The following ZNF644 variants were observed in gnomAD, a reference collection of about 807,000 sequenced individuals.
The protein encoded by ZNF644 is zinc finger motif enhancer binding protein 2.
Under a neutral mutation model 108.0 loss-of-function variants are expected in ZNF644, and 20 were observed. That is an observed-to-expected ratio of 0.19 (90% CI 0.13 to 0.27). The LOEUF (loss-of-function observed/expected upper bound fraction) is 0.27. Ranked by LOEUF, ZNF644 falls within the 10% of genes least tolerant of loss-of-function variation. The pLI, the probability that ZNF644 is intolerant of heterozygous loss-of-function variation, is 1.00. For synonymous variants in ZNF644, 542 were observed against 539.1 expected (o/e 1.01, Z -0.08); for missense variants, 1,338 against 1,548.9 (o/e 0.86, Z 2.29).
chr1:90,935,386 T>C (rs1365856885), intron 4 of ZNF644: 16 of 985,784 alleles, frequency 1.6e-5, no homozygotes, highest in South Asian at 4.7e-5. Flanking sequence ...ACAGACTTGC[T>C]GTGATATCTG....
intron 1 of ZNF644, among the ~76,000 whole-genome samples, chr1:91,017,641 A>T (rs1341695833): frequency 6.6e-6 from 1 of 152,186 alleles, no homozygotes; most frequent in African/African-American, 2.4e-5. Flanking sequence ...CCATAATCAC[A>T]TAAGAGTTCC....
intron 2 of ZNF644, among the ~76,000 whole-genome samples, chr1:90,960,156 A>G (rs1377667392): frequency 1.3e-5 from 2 of 152,150 alleles, no homozygotes; most frequent in African/African-American, 4.8e-5. Flanking sequence ...CAGATATGTC[A>G]AAGAGAAGCT....
In ZNF644 at chr1:90,915,419, A is replaced by C. The variant is rs771791888; in HGVS notation, c.*1379T>G. ...ACTCTACCAAAATACTCCTTATTTT[A>C]ACTGTTTTTAACTTTATTTACATAC... is the stretch of plus-strand genomic sequence containing the variant. On this transcript the variant is annotated 3_prime_UTR_variant, in exon 6 of 6. Transcript: ENST00000337393. 3.9e-5 allele frequency: 6 copies of C among 152,560 alleles called. No homozygotes were observed. Among genetic ancestry groups the C allele is most frequent in the Admixed American group, 3.9e-4 (6 of 15,286 alleles). The allele number at this position is 152,560 out of a possible 1,614,324, so 9.5% of individuals were successfully genotyped here. A position where few individuals can be genotyped will look rare whatever the true frequency, so the allele number is the denominator to read the frequency against.
chr1:90,974,553 T>C (rs1655806829), intron 2 of ZNF644, among the ~76,000 whole-genome samples: 1 of 152,196 alleles, frequency 6.6e-6, no homozygotes, highest in Non-Finnish European at 1.5e-5. Context: ...GCTAGAAACA[T>C]GAGTCATACT....
rs550101174 is a variant in ZNF644, at chr1:90,950,748, G to C, written c.45-9439C>G. On this transcript the variant is annotated intron_variant, in intron 2 of 5. Coordinates refer to ENST00000337393, the MANE Select transcript of ZNF644 (RefSeq NM_201269.3). ...ATAACATAATTACTAAGGTTGATCT[G>C]AACAGTGGTCTTCAAACTGGGCTAT... 2.6e-5 allele frequency among the ~76,000 whole-genome samples: 4 copies of C among 152,260 alleles called. No individual in the cohort carries two copies. In the East Asian group the frequency reaches 5.8e-4, roughly 22 times the overall value.
chr1:90,930,857 A>G (rs1321044640), intron 4 of ZNF644, among the ~76,000 whole-genome samples: 2 of 152,144 alleles, frequency 1.3e-5, no homozygotes, highest in Non-Finnish European at 2.9e-5. Flanking sequence ...TTCATCTGAC[A>G]GATCTACTTC....
rs1235015434 is a variant in ZNF644 at position 90,941,251 on chromosome 1, T to C, written c.103A>G (p.Ile35Val). 6 of 1,600,812 alleles carry C rather than the reference T, an allele frequency of 3.7e-6. No homozygotes were observed. The highest frequency in any genetic ancestry group is 1.1e-5 in the South Asian group (1 of 87,740). Residue 35 changes from isoleucine to valine, a missense_variant, in exon 3 of 6, where the codon ATT becomes GTT. Coordinates refer to ENST00000337393, the MANE Select transcript of ZNF644 (RefSeq NM_201269.3). Reference protein sequence around the residue: ...NMDDLKINTDITGAKEELLDD... With the variant: ...NMDDLKINTDVTGAKEELLDD... ...AGGAGTTCTTCTTTAGCACCAGTAA[T>C]ATCGGTGTTTATCTTCAAATCATCC...
intron 2 of ZNF644, among the ~76,000 whole-genome samples, chr1:90,980,872 GAT>G (rs1656477571): frequency 6.6e-6 from 1 of 152,120 alleles, no homozygotes; most frequent in Non-Finnish European, 1.5e-5. Flanking sequence ...TCTATATCTT[GAT>G]CTAGATGGTG....
intron 2 of ZNF644, among the ~76,000 whole-genome samples, chr1:90,962,846 CAT>C (rs1654468351): frequency 6.6e-6 from 1 of 152,178 alleles, no homozygotes; most frequent in South Asian, 2.1e-4. Context: ...AGTAGAGAAG[CAT>C]AGTTTCTGAG....
At chr1:90,937,250 T>C (rs1557562666) in intron 4 of ZNF644, among the ~76,000 whole-genome samples, 2 of 152,096 alleles carry the variant, frequency 1.3e-5, no homozygotes, top group African/African-American at 2.4e-5. Context: ...TCTGCTTTTG[T>C]TCTCACCTTA....
At position 90,997,440 on chromosome 1, in the gene ZNF644, CA is replaced by C. The variant is rs534704401; in HGVS notation, c.-17-15071del. On this transcript the variant is annotated intron_variant, in intron 1 of 5. Coordinates refer to ENST00000337393, the MANE Select transcript of ZNF644 (RefSeq NM_201269.3). ...AATATAGATTTCATAGAATTAGTTT[CA>C]AAAAAAAAATCACTAAAATAACAAA... Among the ~76,000 whole-genome samples, 614 of 146,484 alleles carry C rather than the reference CA, an allele frequency of 4.2e-3. 7 individuals are homozygous for C. Among genetic ancestry groups the C allele is most frequent in the African/African-American group, 0.014 (547 of 39,942 alleles).
intron 1 of ZNF644, among the ~76,000 whole-genome samples, chr1:91,018,140 T>A (rs1660589595): frequency 6.6e-6 from 1 of 152,142 alleles, no homozygotes; most frequent in African/African-American, 2.4e-5. Flanking sequence ...ACCCTCTGGG[T>A]CTCCTGTGAT....
At chr1:91,011,239 G>C (rs1255644781) in intron 1 of ZNF644, among the ~76,000 whole-genome samples, 1 of 152,094 alleles carries the variant, frequency 6.6e-6, no homozygotes, top group African/African-American at 2.4e-5. Flanking sequence ...CCTGGAGCAA[G>C]AGTATATTAA....
intron 1 of ZNF644, chr1:91,020,453 A>T (rs1308208547): frequency 1.3e-5 from 2 of 152,150 alleles, no homozygotes; most frequent in Non-Finnish European, 2.9e-5. Context: ...GTATAACTTT[A>T]ATTTGTTAGA....
chr1:90,962,733 T>C (rs1654457083), intron 2 of ZNF644, among the ~76,000 whole-genome samples: 1 of 151,952 alleles, frequency 6.6e-6, no homozygotes, highest in Non-Finnish European at 1.5e-5. Flanking sequence ...ATGACCAGAG[T>C]ACTCCACTCA....
intron 1 of ZNF644, among the ~76,000 whole-genome samples, chr1:90,986,595 T>A (rs1657123146): frequency 6.6e-6 from 1 of 152,002 alleles, no homozygotes; most frequent in African/African-American, 2.4e-5. Flanking sequence ...CAGTATACTA[T>A]CCTGCTGAAA....
chr1:90,954,891 G>C (rs1291409312), intron 2 of ZNF644, among the ~76,000 whole-genome samples: 2 of 152,182 alleles, frequency 1.3e-5, no homozygotes, highest in Non-Finnish European at 2.9e-5. Context: ...GTTGCATCTA[G>C]AATAGCTAAT....
intron 2 of ZNF644, among the ~76,000 whole-genome samples, chr1:90,960,132 T>C (rs1259649867): frequency 6.6e-6 from 1 of 152,108 alleles, no homozygotes; most frequent in East Asian, 1.9e-4. Context: ...ACAAAAGTAG[T>C]GATACTGGCA....
At chr1:90,989,839 A>G (rs145999916) in intron 1 of ZNF644, among the ~76,000 whole-genome samples, 115 of 152,336 alleles carry the variant, frequency 7.5e-4, no homozygotes, top group African/African-American at 2.7e-3. Flanking sequence ...AATCCAAAGC[A>G]GAATCTCAAA....
Sources: gnomAD v4.1 joint callset for allele counts (sites outside exome capture counted in the v4.1 genomes callset) on GRCh38, gnomAD v4.1.1 for gene constraint, MANE v1.5 for transcripts, NCBI Gene and HGNC (gene_info 2026-07-23, HGNC 2026-07-21) for gene names.